PDE11A: variants seen among roughly 807,000 people sequenced by gnomAD.
The protein encoded by PDE11A is phosphodiesterase 11A, also known as dual 3',5'-cyclic-AMP and -GMP phosphodiesterase 11A.
In PDE11A, 100 loss-of-function variants were observed where a neutral mutation model predicts 100.5. That is an observed-to-expected ratio of 1.00 (90% CI 0.85 to 1.18). The LOEUF is 1.18. PDE11A is among the 50% of genes most tolerant of loss of function. The pLI is 0.00. For missense variants in PDE11A, 1,141 were observed against 1,152.6 expected (o/e 0.99, Z 0.15); for synonymous variants, 381 against 420.8 (o/e 0.91, Z 1.16).
intron 13 of PDE11A, among the ~76,000 whole-genome samples, chr2:177,704,221 C>A (rs1483274588): frequency 6.6e-6 from 1 of 152,112 alleles, no homozygotes; most frequent in Admixed American, 6.5e-5. Flanking sequence ...AGCTCACAAT[C>A]CCCTATAATT....
chr2:177,726,350 C>T (rs2105445512), intron 12 of PDE11A, among the ~76,000 whole-genome samples: 1 of 152,156 alleles, frequency 6.6e-6, no homozygotes. Context: ...TTTTTGAAAA[C>T]CCACCAAGTA....
intron 10 of PDE11A, among the ~76,000 whole-genome samples, chr2:177,741,683 A>G (rs2081873140): frequency 6.6e-6 from 1 of 152,204 alleles, no homozygotes; most frequent in Non-Finnish European, 1.5e-5. Context: ...TCACTCTTGG[A>G]AAGAAATATA....
chr2:178,070,245 T>C (rs993055114), intron 1 of PDE11A, among the ~76,000 whole-genome samples: 1 of 152,310 alleles, frequency 6.6e-6, no homozygotes, highest in East Asian at 1.9e-4. Context: ...TAATAAAAAG[T>C]TAACAAAAAT....
intron 16 of PDE11A, among the ~76,000 whole-genome samples, chr2:177,678,492 G>T (rs1344863912): frequency 6.6e-6 from 1 of 152,184 alleles, no homozygotes; most frequent in African/African-American, 2.4e-5. Flanking sequence ...ACCAATAAAA[G>T]ACATTTCTTA....
Position 178,005,317 on chromosome 2 carries a change from A to C in PDE11A, c.1071+8985T>G, listed in dbSNP as rs146175647. Among the ~76,000 whole-genome samples the C allele has an allele frequency of 5.3e-3, 811 of 152,226 alleles. 5 individuals carry two copies. Among genetic ancestry groups the C allele is most frequent in the Middle Eastern group, 0.02 (6 of 294 alleles). ...CTAATTAAGCACATTCGTATAAATA[A>C]AAGCTACAGAAAAAAATTGAATAAT... is the stretch of plus-strand genomic sequence containing the variant. On this transcript the variant is annotated intron_variant, in intron 2 of 19. Coordinates refer to ENST00000286063, the MANE Select transcript of PDE11A (RefSeq NM_016953.4).
intron 15 of PDE11A, chr2:177,683,310 G>A: frequency 6.6e-6 from 1 of 152,434 alleles, no homozygotes. Context: ...TGGCGAGATG[G>A]CATAACCCAA....
At position 178,058,480 on chromosome 2, in the gene PDE11A, C is replaced by T. The variant is rs140795486; in HGVS notation, c.912+13046G>A. On this transcript the variant is annotated intron_variant, in intron 1 of 19. Transcript: ENST00000286063. ...CTCTCTCTTTGCCTGCCACCATCCA[C>T]GTAAAATGTGACTTGCTCCTCCTTG... 9.5e-3 allele frequency among the ~76,000 whole-genome samples: 1,444 copies of T among 152,264 alleles called. 28 individuals carry two copies. Among genetic ancestry groups the T allele is most frequent in the African/African-American group, 0.033 (1,382 of 41,548 alleles).
intron 1 of PDE11A, among the ~76,000 whole-genome samples, chr2:178,030,979 C>G (rs573077772): frequency 1.4e-3 from 218 of 152,234 alleles, no homozygotes; most frequent in African/African-American, 5.1e-3. Context: ...AAAAAGATCA[C>G]TTTTTATAAC....
intron 5 of PDE11A, among the ~76,000 whole-genome samples, chr2:177,857,526 C>G (rs1490267739): frequency 6.6e-6 from 1 of 151,824 alleles, no homozygotes; most frequent in African/African-American, 2.4e-5. Flanking sequence ...AGTAGGACAA[C>G]AGTAACACAA....
rs534223500 is a variant in PDE11A, at chr2:177,868,447, A to C, written c.1367+7412T>G. On this transcript the variant is annotated intron_variant, in intron 5 of 19. Transcript: ENST00000286063. ...TGTTGTCAGCCCACTAAAAGAAAAA[A>C]ATGCTATGAGGCAATGCATTATCAC... Among the ~76,000 whole-genome samples, 19 of 152,346 alleles carry C rather than the reference A, an allele frequency of 1.2e-4. No individual in the cohort carries two copies. In the East Asian group the frequency reaches 3.1e-3, roughly 25 times the overall value.
intron 1 of PDE11A, among the ~76,000 whole-genome samples, chr2:178,026,174 G>A (rs778521245): frequency 1.3e-5 from 2 of 152,224 alleles, no homozygotes; most frequent in African/African-American, 2.4e-5. Flanking sequence ...GAGACAACCC[G>A]AAAAGTGGCC....
chr2:178,075,645 ATTC>A (rs1457818013), upstream of PDE11A, among the ~76,000 whole-genome samples: 1 of 151,498 alleles, frequency 6.6e-6, no homozygotes, highest in Non-Finnish European at 1.5e-5. Context: ...GCTGGAACTT[ATTC>A]TTTTCCCTCC....
At position 177,665,677 on chromosome 2, in the gene PDE11A, G is replaced by A. The variant is rs1268494759; in HGVS notation, c.2563-1728C>T. Among the ~76,000 whole-genome samples the A allele has an allele frequency of 5.3e-5, 8 of 150,948 alleles. No homozygotes were observed. The East Asian group carries it at 1.2e-3, about 22-fold the overall frequency. ...TTGAGACCAGCCTGGCCAACATGGC[G>A]AAACCCTGTTTCTACTAAAAATGCA... On this transcript the variant is annotated intron_variant, in intron 18 of 19. Coordinates refer to ENST00000286063, the MANE Select transcript of PDE11A (RefSeq NM_016953.4).
chr2:177,737,604 CAA>C (rs1250239662), intron 10 of PDE11A, among the ~76,000 whole-genome samples: 1 of 134,330 alleles, frequency 7.4e-6, no homozygotes, highest in Non-Finnish European at 1.7e-5. Context: ...AAAAAAAAGC[CAA>C]GAGAGAGGGG....
At chr2:178,018,476 T>A (rs1167258259) in intron 1 of PDE11A, 1 of 506,716 alleles carries the variant, frequency 2.0e-6, no homozygotes, top group Non-Finnish European at 3.9e-6. Context: ...CCTTTTAGAC[T>A]TAACACCTTA....
chr2:178,027,471 A>G (rs1237534392), intron 1 of PDE11A, among the ~76,000 whole-genome samples: 1 of 152,228 alleles, frequency 6.6e-6, no homozygotes, highest in African/African-American at 2.4e-5. Context: ...CTGAATTGTC[A>G]GTAAAATAGA....
At chr2:177,686,007 T>C (rs981080572) in intron 15 of PDE11A, among the ~76,000 whole-genome samples, 4 of 152,202 alleles carry the variant, frequency 2.6e-5, no homozygotes, top group Non-Finnish European at 5.9e-5. Context: ...AAATCAGTCA[T>C]AGACTTCACA....
chr2:177,927,734 A>G (rs16865921), intron 2 of PDE11A, among the ~76,000 whole-genome samples: 14,396 of 152,288 alleles, frequency 0.095, 671 homozygotes, highest in Middle Eastern at 0.15. Context: ...CATAAAGCAA[A>G]AGAGTATCTC....
chr2:177,998,188 T>C (rs2086101057), intron 2 of PDE11A: 3 of 873,200 alleles, frequency 3.4e-6, no homozygotes, highest in Admixed American at 1.7e-5. Flanking sequence ...CAGTAATTCA[T>C]GAATAGAACA....
Sources: gnomAD v4.1 joint callset for allele counts (sites outside exome capture counted in the v4.1 genomes callset) on GRCh38, gnomAD v4.1.1 for gene constraint, MANE v1.5 for transcripts, NCBI Gene and HGNC (gene_info 2026-07-23, HGNC 2026-07-21) for gene names.